Variants in LRRC37A3 observed in about 807,000 individuals in gnomAD.
LRRC37A3 encodes leucine-rich repeat-containing protein 37A3.
A neutral mutation model predicts 106.2 loss-of-function variants in LRRC37A3; 25 were observed. That is an observed-to-expected ratio of 0.24 (90% CI 0.17 to 0.33). The LOEUF (loss-of-function observed/expected upper bound fraction) is 0.33, where lower values mean the gene tolerates loss of function less well. LRRC37A3 is among the 10% of genes least tolerant of loss of function. LRRC37A3 has a pLI of 1.00. For missense variants in LRRC37A3, 712 were observed against 1,644.9 expected (o/e 0.43, Z 9.81); for synonymous variants, 305 against 635.8 (o/e 0.48, Z 7.83).
intron 10 of LRRC37A3, among the ~76,000 whole-genome samples, chr17:64,863,987 T>A (rs1384069576): frequency 2.7e-5 from 4 of 150,296 alleles, no homozygotes; most frequent in Non-Finnish European, 1.5e-5. Flanking sequence ...TTTTTTTTTT[T>A]TTTTTTTACT....
chr17:64,878,657 C>G (rs1254705472), intron 8 of LRRC37A3, among the ~76,000 whole-genome samples: 3 of 152,146 alleles, frequency 2.0e-5, no homozygotes, highest in Non-Finnish European at 2.9e-5. Flanking sequence ...ACTGGGATGG[C>G]TATGAGAAGA....
At chr17:64,912,277 C>T (rs550453219) in intron 2 of LRRC37A3, among the ~76,000 whole-genome samples, 1 of 148,730 alleles carries the variant, frequency 6.7e-6, no homozygotes, top group Non-Finnish European at 1.5e-5. Context: ...ACAATGTATG[C>T]ATGTAGATAT....
At position 64,895,065 on chromosome 17, in the gene LRRC37A3, A is replaced by G. The variant is rs147578316; in HGVS notation, c.2193T>C (p.Pro731=). 6.9e-6 allele frequency: 11 copies of G among 1,590,512 alleles called. No homozygotes were observed. The highest frequency in any genetic ancestry group is 7.6e-6 in the Non-Finnish European group (9 of 1,179,674). The change falls in exon 4 of 15, where the codon CCT becomes CCC. Residue 731 remains proline (P), a synonymous_variant. Coordinates refer to ENST00000584306, the MANE Select transcript of LRRC37A3 (RefSeq NM_199340.5). The part of the protein sequence containing the change: ...LDLELTITTK[P]TTEVKPSPTT... ...TTGGAGATGGTTTAACCTCTGTAGT[A>G]GGTTTTGTAGTTATGGTAAGCTCCA...
At chr17:64,874,777 T>G (rs552052928) in intron 8 of LRRC37A3, among the ~76,000 whole-genome samples, 2 of 152,392 alleles carry the variant, frequency 1.3e-5, no homozygotes, top group East Asian at 3.9e-4. Context: ...CTTGGAATGC[T>G]GTTGATCTAT....
At chr17:64,870,069 A>G (rs1209838156) in intron 8 of LRRC37A3, among the ~76,000 whole-genome samples, 70 of 144,274 alleles carry the variant, frequency 4.9e-4, no homozygotes, top group African/African-American at 1.8e-3. Flanking sequence ...GAGCGCTTTG[A>G]GGGCAGAGAC....
rs1386151538 is a variant in LRRC37A3 at position 64,866,953 on chromosome 17, C to CA, written c.3053+1508dup. 2.0e-5 allele frequency among the ~76,000 whole-genome samples: 3 copies of CA among 149,366 alleles called. No individual in the cohort carries two copies. In the South Asian group the frequency reaches 6.3e-4, roughly 31 times the overall value. On this transcript the variant is annotated intron_variant, in intron 10 of 14. Transcript: ENST00000584306. Reference sequence around the variant, plus strand: ...GGAACATACTGAGACCTCATTTCTACAAAAAAATAAAAAATAAAAAAGATA... The same window carrying CA: ...GGAACATACTGAGACCTCATTTCTACAAAAAAAATAAAAAATAAAAAAGATA...
intron 2 of LRRC37A3, among the ~76,000 whole-genome samples, chr17:64,915,152 T>TA (rs1157410285): frequency 1.3e-5 from 2 of 152,054 alleles, no homozygotes; most frequent in African/African-American, 4.8e-5. Context: ...AAAAAAAGGA[T>TA]AAACATCTGA....
chr17:64,874,190 G>T lies in LRRC37A3; in HGVS notation c.2907-5024C>A, dbSNP rs543365087. ...AGGCTCAAGAATTGCTTGAAGCCAGGAGTTGGATACCAGCACTGGCAATAG... is the reference window on the plus strand; with the variant it reads ...AGGCTCAAGAATTGCTTGAAGCCAGTAGTTGGATACCAGCACTGGCAATAG... On this transcript the variant is annotated intron_variant, in intron 8 of 14. Transcript: ENST00000584306. 2.0e-5 allele frequency among the ~76,000 whole-genome samples: 3 copies of T among 152,372 alleles called. No individual in the cohort carries two copies. The South Asian group carries it at 6.2e-4, about 32-fold the overall frequency.
chr17:64,866,527 C>T (rs1183405696), intron 10 of LRRC37A3, among the ~76,000 whole-genome samples: 1 of 129,110 alleles, frequency 7.7e-6, no homozygotes, highest in Admixed American at 8.4e-5. Flanking sequence ...ACAATAGGGC[C>T]CTGCAGGCAT....
chr17:64,857,157 T>A (rs1027571720), intron 13 of LRRC37A3, among the ~76,000 whole-genome samples: 1 of 152,234 alleles, frequency 6.6e-6, no homozygotes, highest in African/African-American at 2.4e-5. Flanking sequence ...GAGGATTCAA[T>A]ACAGTGGCTA....
chr17:64,908,973 C>A (rs940007249), intron 2 of LRRC37A3, among the ~76,000 whole-genome samples: 8 of 151,786 alleles, frequency 5.3e-5, no homozygotes, highest in African/African-American at 1.9e-4. Context: ...CGGGGTCTCA[C>A]CATGTTAGCC....
intron 8 of LRRC37A3, among the ~76,000 whole-genome samples, chr17:64,884,257 A>G (rs1973799829): frequency 6.8e-6 from 1 of 148,064 alleles, no homozygotes; most frequent in South Asian, 2.2e-4. Context: ...TTTTTGAGTG[A>G]ATTCATTAAT....
At chr17:64,859,203 T>C (rs551784631) in intron 12 of LRRC37A3, among the ~76,000 whole-genome samples, 1 of 152,268 alleles carries the variant, frequency 6.6e-6, no homozygotes, top group South Asian at 2.1e-4. Context: ...CCACCCACCT[T>C]GGCCTCCCAA....
rs901095814 is a variant in LRRC37A3, at chr17:64,919,272, CGGAG to C, written c.-617+155_-617+158del. ...CCGGCCCCTCATGTTGGAACCGAGG[CGGAG>C]GGAGAAGGGAAAGCGGCCGGGAAGG... On this transcript the variant is annotated intron_variant, in intron 1 of 14. Transcript: ENST00000584306. Among the ~76,000 whole-genome samples the C allele has an allele frequency of 5.3e-5, 8 of 151,516 alleles. No individual in the cohort carries two copies. The East Asian group carries it at 1.2e-3, about 22-fold the overall frequency.
intron 2 of LRRC37A3, among the ~76,000 whole-genome samples, chr17:64,917,557 C>G (rs1014975747): frequency 1.2e-4 from 18 of 151,944 alleles, no homozygotes; most frequent in Non-Finnish European, 2.4e-4. Flanking sequence ...CTGTGATACA[C>G]TCATATAAAG....
In LRRC37A3 at chr17:64,871,945, A is replaced by G. The variant is rs1342357626; in HGVS notation, c.2907-2779T>C. ...TCAGGGGATCGAGACCATCCTGGCT[A>G]ACAAGGCGAAACCCCGTCTGTACTA... On this transcript the variant is annotated intron_variant, in intron 8 of 14. Coordinates refer to ENST00000584306, the MANE Select transcript of LRRC37A3 (RefSeq NM_199340.5). Among the ~76,000 whole-genome samples, 7 of 152,132 alleles carry G rather than the reference A, an allele frequency of 4.6e-5. No homozygotes were observed. The East Asian group carries it at 7.7e-4, about 17-fold the overall frequency.
rs1168721419 is a variant in LRRC37A3, at chr17:64,864,777, T to C, written c.3054-1759A>G. Among the ~76,000 whole-genome samples the C allele has an allele frequency of 2.6e-5, 4 of 151,686 alleles. No homozygotes were observed. The East Asian group carries it at 7.7e-4, about 29-fold the overall frequency. On this transcript the variant is annotated intron_variant, in intron 10 of 14. Transcript: ENST00000584306. ...ATCAAATGAATCAATACCTGAAAAATGCCTGGTGCACAGTGAGTGCTCAAT... is the reference window on the plus strand; with the variant it reads ...ATCAAATGAATCAATACCTGAAAAACGCCTGGTGCACAGTGAGTGCTCAAT...
chr17:64,873,430 G>A (rs1973388729), intron 8 of LRRC37A3, among the ~76,000 whole-genome samples: 1 of 152,154 alleles, frequency 6.6e-6, no homozygotes, highest in African/African-American at 2.4e-5. Flanking sequence ...AAAGTGCTGG[G>A]GTTATAGGCA....
intron 2 of LRRC37A3, among the ~76,000 whole-genome samples, chr17:64,913,309 A>G (rs1412070491): frequency 2.7e-5 from 4 of 149,872 alleles, no homozygotes; most frequent in African/African-American, 9.8e-5. Flanking sequence ...GTTTACAGGC[A>G]TGAGCCACTG....
Sources: allele counts gnomAD v4.1 joint callset (sites outside exome capture counted in the v4.1 genomes callset), GRCh38; gene constraint gnomAD v4.1.1; transcripts MANE v1.5; gene names NCBI Gene and HGNC (gene_info 2026-07-23, HGNC 2026-07-21).